Variants in DCC observed in about 807,000 individuals in gnomAD.
DCC encodes the protein DCC netrin 1 receptor.
Under a neutral mutation model 172.5 loss-of-function variants are expected in DCC, and 58 were observed. The ratio of observed to expected loss-of-function variants is 0.34; its 90% CI spans 0.27 to 0.42. The LOEUF (loss-of-function observed/expected upper bound fraction) is 0.42. DCC is among the 10% of genes least tolerant of loss of function. DCC has a pLI of 1.00. For missense variants in DCC, 1,740 were observed against 1,791.0 expected (o/e 0.97, Z 0.51); for synonymous variants, 709 against 644.5 (o/e 1.10, Z -1.52).
chr18:53,230,802 G>C (rs570798827), intron 12 of DCC, among the ~76,000 whole-genome samples: 1 of 151,932 alleles, frequency 6.6e-6, no homozygotes, highest in East Asian at 1.9e-4. Context: ...GATGAAAACT[G>C]TGTTTCAATC....
At chr18:53,193,984 T>G (rs1468003048) in intron 9 of DCC, among the ~76,000 whole-genome samples, 1 of 152,162 alleles carries the variant, frequency 6.6e-6, no homozygotes, top group Non-Finnish European at 1.5e-5. Context: ...CATTTATTGC[T>G]CTATTAAAAC....
At chr18:53,472,533 T>G (rs992528907) in intron 25 of DCC, among the ~76,000 whole-genome samples, 1 of 152,216 alleles carries the variant, frequency 6.6e-6, no homozygotes, top group African/African-American at 2.4e-5. Context: ...TTATTGTACT[T>G]TAGAATCTGT....
chr18:53,441,415 G>T (rs1568134260), intron 22 of DCC, among the ~76,000 whole-genome samples: 1 of 152,060 alleles, frequency 6.6e-6, no homozygotes, highest in Non-Finnish European at 1.5e-5. Flanking sequence ...ACTCCCAAAT[G>T]TATATCATTA....
intron 1 of DCC, among the ~76,000 whole-genome samples, chr18:52,566,412 A>C (rs1048471893): frequency 6.6e-6 from 1 of 152,072 alleles, no homozygotes; most frequent in Admixed American, 6.6e-5. Flanking sequence ...AGAAATACCT[A>C]ATGTAGATGA....
chr18:52,507,618 C>T (rs1484769455), intron 1 of DCC, among the ~76,000 whole-genome samples: 4 of 152,142 alleles, frequency 2.6e-5, no homozygotes, highest in Non-Finnish European at 2.9e-5. Flanking sequence ...CAGCATGAGC[C>T]ACAAAAGTGA....
At chr18:53,351,375 ATATATACAG>A (rs2057801154) in intron 15 of DCC, among the ~76,000 whole-genome samples, 2 of 71,696 alleles carry the variant, frequency 2.8e-5, no homozygotes, top group African/African-American at 1.2e-4. Flanking sequence ...TACTGTATAT[ATATATACAG>A]TATATATATA....
intron 7 of DCC, among the ~76,000 whole-genome samples, chr18:53,137,091 TA>T (rs2043755016): frequency 6.6e-6 from 1 of 152,242 alleles, no homozygotes; most frequent in Non-Finnish European, 1.5e-5. Context: ...GATAGACTGA[TA>T]TATTCATTTT....
At chr18:53,484,787 T>C (rs2045881983) in intron 25 of DCC, among the ~76,000 whole-genome samples, 1 of 152,116 alleles carries the variant, frequency 6.6e-6, no homozygotes, top group Non-Finnish European at 1.5e-5. Context: ...TATGGTTTCA[T>C]AGAAATTTTA....
chr18:53,033,394 T>G (rs2042050370), intron 5 of DCC, among the ~76,000 whole-genome samples: 3 of 152,170 alleles, frequency 2.0e-5, no homozygotes, highest in African/African-American at 7.2e-5. Context: ...GGGTGACTCT[T>G]TCGCAATGTT....
chr18:53,395,056 A>T (rs1296610845), intron 17 of DCC, among the ~76,000 whole-genome samples: 1 of 151,758 alleles, frequency 6.6e-6, no homozygotes, highest in Admixed American at 6.6e-5. Flanking sequence ...AGGCTGAGGC[A>T]TGCGAATCAC....
intron 1 of DCC, among the ~76,000 whole-genome samples, chr18:52,568,688 ACAC>A: frequency 1.3e-5 from 2 of 151,750 alleles, no homozygotes; most frequent in Non-Finnish European, 2.9e-5. Flanking sequence ...GTGTGTGCTT[ACAC>A]ACACACACCC....
At chr18:52,659,833 C>G (rs1430671179) in intron 1 of DCC, among the ~76,000 whole-genome samples, 1 of 152,040 alleles carries the variant, frequency 6.6e-6, no homozygotes, top group Non-Finnish European at 1.5e-5. Flanking sequence ...ATTGCAACCA[C>G]CGTGACCATG....
chr18:52,579,525 A>G (rs1357401336), intron 1 of DCC, among the ~76,000 whole-genome samples: 4 of 152,056 alleles, frequency 2.6e-5, no homozygotes, highest in Non-Finnish European at 4.4e-5. Context: ...GTAGTTTATA[A>G]GTGTGTGTGT....
At position 52,573,659 on chromosome 18, in the gene DCC, A is replaced by G. The variant is rs181425792; in HGVS notation, c.92-178395A>G. On this transcript the variant is annotated intron_variant, in intron 1 of 28. Transcript: ENST00000442544. The stretch of plus-strand genomic sequence containing the variant: ...ATCATCTGCTGTCTCTTTCTATTTC[A>G]CTGGTTGACCTAGCCCACTGACTCT... Among the ~76,000 whole-genome samples the G allele has an allele frequency of 9.2e-5, 14 of 152,212 alleles. No individual in the cohort carries two copies. In the East Asian group the frequency reaches 2.7e-3, roughly 29 times the overall value.
At chr18:52,912,825 C>T (rs1348560136) in intron 3 of DCC, among the ~76,000 whole-genome samples, 1 of 151,982 alleles carries the variant, frequency 6.6e-6, no homozygotes, top group East Asian at 1.9e-4. Flanking sequence ...CATACTCACC[C>T]TCAACTCTGC....
At chr18:52,439,795 A>G (rs1987917707) in intron 1 of DCC, among the ~76,000 whole-genome samples, 1 of 152,210 alleles carries the variant, frequency 6.6e-6, no homozygotes, top group Admixed American at 6.5e-5. Flanking sequence ...AACAGAGAGG[A>G]TGGATACTCC....
At chr18:53,193,241 A>G (rs2144517227) in intron 9 of DCC, among the ~76,000 whole-genome samples, 1 of 152,166 alleles carries the variant, frequency 6.6e-6, no homozygotes, top group South Asian at 2.1e-4. Context: ...AAGGCCTGGC[A>G]TGGACCTGCC....
chr18:52,872,752 C>G (rs1258252950), intron 2 of DCC, among the ~76,000 whole-genome samples: 2 of 152,108 alleles, frequency 1.3e-5, no homozygotes, highest in African/African-American at 2.4e-5. Flanking sequence ...AAACAATATT[C>G]ATGCACTGAT....
chr18:53,515,689 C>T (rs1418180086), intron 27 of DCC, among the ~76,000 whole-genome samples: 1 of 150,046 alleles, frequency 6.7e-6, no homozygotes, highest in Non-Finnish European at 1.5e-5. Flanking sequence ...TGAGTGAACT[C>T]CCATTCACAA....
Sources: gnomAD v4.1 joint callset for allele counts (sites outside exome capture counted in the v4.1 genomes callset) on GRCh38, gnomAD v4.1.1 for gene constraint, MANE v1.5 for transcripts, NCBI Gene and HGNC (gene_info 2026-07-23, HGNC 2026-07-21) for gene names.